Variants in CMTM4 observed in about 807,000 individuals in gnomAD.
CMTM4 encodes CKLF like MARVEL transmembrane domain containing 4.
CMTM4 carries 8 observed loss-of-function variants against 19.0 expected under a neutral mutation model. That is an observed-to-expected ratio of 0.42 (90% CI 0.25 to 0.76). The LOEUF (loss-of-function observed/expected upper bound fraction) is 0.76, where lower values mean the gene tolerates loss of function less well. Ranked by LOEUF, CMTM4 falls within the 30% of genes least tolerant of loss-of-function variation. The pLI is 0.27. For missense variants in CMTM4, 228 were observed against 290.2 expected, an observed-to-expected ratio of 0.79 and a Z score of 1.56; for synonymous variants, 106 against 121.1, an observed-to-expected ratio of 0.88 and a Z score of 0.82.
At chr16:66,674,434 GCA>G (rs2016768167) in intron 1 of CMTM4, among the ~76,000 whole-genome samples, 1 of 152,144 alleles carries the variant, frequency 6.6e-6, no homozygotes, top group Non-Finnish European at 1.5e-5. Flanking sequence ...GCCCCTCGGT[GCA>G]CACACCCAGA....
At chr16:66,636,759 G>A (rs1191880000) in intron 1 of CMTM4, among the ~76,000 whole-genome samples, 178 bp from the exon 2 acceptor site, 1 of 152,136 alleles carries the variant, frequency 6.6e-6, no homozygotes, top group Non-Finnish European at 1.5e-5. Flanking sequence ...TAAAGAATAG[G>A]TGCAGGGGTC....
Position 66,622,189 on chromosome 16 carries a change from C to G in CMTM4, c.496G>C (p.Val166Leu), listed in dbSNP as rs529924064. The part of the protein sequence containing the change: ...FGFLATAAYA[V>L]NTFLAVQKWR... ...TTCTGCACTGCCAGGAATGTGTTCA[C>G]TGCATATGCCGCAGTCGCCAAGAAG... Residue 166 changes from valine (V) to leucine (L), a missense_variant, in exon 4 of 4, where the codon GTG (valine) becomes CTG (leucine). Val to Leu is a conservative substitution (Grantham distance 32). This residue lies in a region of CMTM4 where 200 missense variants were observed against 226.6 expected (regional missense o/e 0.88). Coordinates refer to ENST00000394106, the MANE Select transcript of CMTM4 (RefSeq NM_181521.3). The surrounding 1 kb of genome is among the most constrained non-coding windows in gnomAD (Gnocchi z 4.0). 7.4e-6 allele frequency: 12 copies of G among 1,614,020 alleles called. No individual in the cohort carries two copies. The South Asian group carries it at 1.3e-4, about 18-fold the overall frequency.
chr16:66,633,982 C>T (rs191013661), intron 2 of CMTM4, among the ~76,000 whole-genome samples: 9 of 152,234 alleles, frequency 5.9e-5, no homozygotes, highest in African/African-American at 1.7e-4. Flanking sequence ...AACACCCAAC[C>T]ACAGGCCCAG....
At chr16:66,679,541 AG>A (rs1284685955) in intron 1 of CMTM4, among the ~76,000 whole-genome samples, 1 of 152,018 alleles carries the variant, frequency 6.6e-6, no homozygotes, top group Admixed American at 6.6e-5. Context: ...GGGACTGATG[AG>A]GCCGGGCATG....
chr16:66,636,621 T>C (rs772654355), intron 1 of CMTM4, 40 bp from the exon 2 acceptor site: 21 of 1,537,764 alleles, frequency 1.4e-5, no homozygotes, highest in Non-Finnish European at 1.8e-6. Context: ...CGTATATGTT[T>C]AGTATACATC....
Position 66,621,124 on chromosome 16 carries a change from C to T in CMTM4, c.*934G>A, listed in dbSNP as rs2015626202. 1.0e-6 allele frequency: 1 copy of T among 985,722 alleles called. No homozygotes were observed. The highest frequency in any genetic ancestry group is 4.7e-5 in the South Asian group (1 of 21,292). The allele number at this position is 985,722 out of a possible 1,614,324, so 61.1% of individuals were successfully genotyped here. Reference sequence around the variant, plus strand: ...TCTTTGCAGGCATTTAGAAAATTAGCACACATCCCTAAAATAGAGGGGTGT... The same window carrying T: ...TCTTTGCAGGCATTTAGAAAATTAGTACACATCCCTAAAATAGAGGGGTGT... On this transcript the variant is annotated 3_prime_UTR_variant, in exon 4 of 4. Transcript: ENST00000394106.
intron 1 of CMTM4, among the ~76,000 whole-genome samples, chr16:66,661,785 T>C (rs2016503195): frequency 6.6e-6 from 1 of 151,796 alleles, no homozygotes; most frequent in African/African-American, 2.4e-5. Context: ...ACAAAAAAAT[T>C]AGCCGGGCAT....
At chr16:66,604,640 G>A in the CMTM4 span, 2 of 482,348 alleles carry the variant, frequency 4.1e-6, no homozygotes, top group Non-Finnish European at 3.2e-6. Flanking sequence ...GGGAGGGGCG[G>A]GCTGGAGGAG....
At chr16:66,605,113 G>T in the CMTM4 span, among the ~76,000 whole-genome samples, 1 of 152,156 alleles carries the variant, frequency 6.6e-6, no homozygotes, top group African/African-American at 2.4e-5. The surrounding 1 kb of genome is among the most constrained non-coding windows in gnomAD (Gnocchi z 4.6). Flanking sequence ...GCGAAGTTGG[G>T]TCGAGGTCCC....
chr16:66,630,644 A>G (rs900148437), intron 2 of CMTM4, among the ~76,000 whole-genome samples: 6 of 151,762 alleles, frequency 4.0e-5, no homozygotes, highest in Non-Finnish European at 5.9e-5. Flanking sequence ...TCAGTGCTCA[A>G]TGGTGCCCAG....
Position 66,621,645 on chromosome 16 carries a change from G to A in CMTM4, c.*413C>T. ...TCAACACTGACTTGGAGCAGGTGGT[G>A]CCTAAGGCTGCCTGAGAACCACTGC... is the stretch of plus-strand genomic sequence containing the variant. On this transcript the variant is annotated 3_prime_UTR_variant, in exon 4 of 4. Coordinates refer to ENST00000394106, the MANE Select transcript of CMTM4 (RefSeq NM_181521.3). The A allele has an allele frequency of 9.9e-7, 1 of 1,012,560 alleles. No individual in the cohort carries two copies. Among genetic ancestry groups the A allele is most frequent in the Non-Finnish European group, 1.2e-6 (1 of 844,494 alleles). 62.7% of individuals were successfully genotyped at this position (1,012,560 alleles called of 1,614,324 possible).
chr16:66,687,683 T>TA (rs34965275), intron 1 of CMTM4, among the ~76,000 whole-genome samples: 53,690 of 113,344 alleles, frequency 0.47, 10,926 homozygotes, highest in Middle Eastern at 0.56. Flanking sequence ...AAAAGGGTAA[T>TA]TTTTTTTTTT....
chr16:66,674,714 T>G (rs1344852890), intron 1 of CMTM4, among the ~76,000 whole-genome samples: 1 of 150,772 alleles, frequency 6.6e-6, no homozygotes, highest in Non-Finnish European at 1.5e-5. Flanking sequence ...GACCAAGTGC[T>G]GAAAGGTGTT....
intron 2 of CMTM4, among the ~76,000 whole-genome samples, chr16:66,635,633 C>G (rs1451332911): frequency 6.6e-6 from 1 of 152,194 alleles, no homozygotes; most frequent in Non-Finnish European, 1.5e-5. Flanking sequence ...GCTGAGGTGC[C>G]CACGGCGTTC....
intron 1 of CMTM4, among the ~76,000 whole-genome samples, chr16:66,693,221 A>C (rs78614449): frequency 0.69 from 103,939 of 150,814 alleles, 36,642 homozygotes; most frequent in African/African-American, 0.85. Flanking sequence ...CAAAAGTCTA[A>C]CACAAAGAAA....
At position 66,631,361 on chromosome 16, in the gene CMTM4, C is replaced by T. The variant is rs1201837565; in HGVS notation, c.363+5044G>A. ...GCCCCGTCCGGGAGGTGAGGGGCGC[C>T]TCTGCCCGGCCGCCCCTACTGGGAA... On this transcript the variant is annotated intron_variant, in intron 2 of 3. Transcript: ENST00000394106. Among the ~76,000 whole-genome samples the T allele has an allele frequency of 2.0e-5, 3 of 151,634 alleles. No homozygotes were observed. In the East Asian group the frequency reaches 5.9e-4, roughly 30 times the overall value.
intron 2 of CMTM4, among the ~76,000 whole-genome samples, chr16:66,634,699 G>A (rs908139410): frequency 4.0e-5 from 6 of 151,612 alleles, no homozygotes; most frequent in African/African-American, 9.7e-5. Context: ...TGGCCACAGC[G>A]CCCACTGGTT....
intron 1 of CMTM4, among the ~76,000 whole-genome samples, chr16:66,643,863 C>T (rs2016141162): frequency 6.6e-6 from 1 of 152,196 alleles, no homozygotes; most frequent in African/African-American, 2.4e-5. Context: ...AAGCGATTCT[C>T]CTGTCTCAGC....
At position 66,621,933 on chromosome 16, in the gene CMTM4, A is replaced by G; in HGVS notation, c.*125T>C. 2 of 1,449,386 alleles carry G rather than the reference A, an allele frequency of 1.4e-6. No individual in the cohort carries two copies. Among genetic ancestry groups the G allele is most frequent in the Non-Finnish European group, 1.8e-6 (2 of 1,100,264 alleles). The allele number at this position is 1,449,386 out of a possible 1,614,324, so 89.8% of individuals were successfully genotyped here. ...GGCCACTCGGGAAACCCTTTCCCAAAATGAACTTTTACCAAAGAGGACAAA... is the reference window on the plus strand; with the variant it reads ...GGCCACTCGGGAAACCCTTTCCCAAGATGAACTTTTACCAAAGAGGACAAA... On this transcript the variant is annotated 3_prime_UTR_variant, in exon 4 of 4. Transcript: ENST00000394106.
Sources: allele counts gnomAD v4.1 joint callset (sites outside exome capture counted in the v4.1 genomes callset), GRCh38; gene constraint gnomAD v4.1.1; regional missense constraint gnomAD v4.1.1; non-coding constraint Gnocchi (gnomAD v3.1); transcripts MANE v1.5; gene names NCBI Gene and HGNC (gene_info 2026-07-23, HGNC 2026-07-21).